Variants in ZNF624 observed in about 807,000 individuals in gnomAD.
ZNF624 encodes the protein zinc finger protein 624.
In ZNF624, 43 loss-of-function variants were observed where a neutral mutation model predicts 74.7. That is an observed-to-expected ratio of 0.58 (90% confidence interval 0.45 to 0.74). ZNF624 has a LOEUF of 0.74. Among genes scored for constraint, ZNF624 ranks in the 30% least tolerant of loss-of-function variants. The pLI is 0.00. For missense variants in ZNF624, 820 were observed against 1,030.0 expected, an observed-to-expected ratio of 0.80 and a Z score of 2.79; for synonymous variants, 331 against 341.3, an observed-to-expected ratio of 0.97 and a Z score of 0.33.
chr17:16,637,555 TA>T (rs1909363891), intron 3 of ZNF624, among the ~76,000 whole-genome samples: 1 of 152,050 alleles, frequency 6.6e-6, no homozygotes, highest in Admixed American at 6.6e-5. Flanking sequence ...CCCTCAGAAA[TA>T]ATGCCACATA....
intron 1 of ZNF624, 102 bp from the exon 2 acceptor site, chr17:16,649,848 A>T: frequency 1.2e-6 from 1 of 864,126 alleles, no homozygotes; most frequent in Middle Eastern, 2.2e-4. Flanking sequence ...CTCCCTAAGG[A>T]AGCACAAGAG....
chr17:16,639,596 G>A (rs537812476), intron 3 of ZNF624, among the ~76,000 whole-genome samples: 2 of 152,190 alleles, frequency 1.3e-5, no homozygotes, highest in South Asian at 2.1e-4. Context: ...TGCCTAAGAG[G>A]GAAATGTATG....
At position 16,621,561 on chromosome 17, in the gene ZNF624, A is replaced by T. The variant is rs977902367; in HGVS notation, c.*727T>A. 1.2e-4 allele frequency: 18 copies of T among 152,200 alleles called. No individual in the cohort carries two copies. The highest frequency in any genetic ancestry group is 1.2e-3 in the Admixed American group (18 of 15,278). 9.4% of individuals were successfully genotyped at this position (152,200 alleles called of 1,614,324 possible). ...CCAATAGCTAGCAAAAGATCTCTTA[A>T]TTTTTGCCAGATCCATGAAGGGGAA... On this transcript the variant is annotated 3_prime_UTR_variant, in exon 6 of 6. Coordinates refer to ENST00000311331, the MANE Select transcript of ZNF624 (RefSeq NM_020787.4).
chr17:16,650,019 T>C (rs1274030230), intron 1 of ZNF624, among the ~76,000 whole-genome samples: 1 of 152,128 alleles, frequency 6.6e-6, no homozygotes, highest in Non-Finnish European at 1.5e-5. Flanking sequence ...GGAATAATAT[T>C]CCCATTCCAT....
At chr17:16,625,315 G>A (rs1044356142) in intron 5 of ZNF624, among the ~76,000 whole-genome samples, 1 of 152,064 alleles carries the variant, frequency 6.6e-6, no homozygotes, top group African/African-American at 2.4e-5. Flanking sequence ...CCGAGTAGCC[G>A]GGACTACAGT....
the ZNF624 span, among the ~76,000 whole-genome samples, chr17:16,615,724 G>C: frequency 9.2e-5 from 14 of 151,734 alleles, no homozygotes; most frequent in African/African-American, 2.4e-5. Flanking sequence ...TTTTCCTTTA[G>C]ATTCTGGGAA....
chr17:16,619,486 A>G (rs1908858368), downstream of ZNF624, among the ~76,000 whole-genome samples: 1 of 152,234 alleles, frequency 6.6e-6, no homozygotes, highest in Non-Finnish European at 1.5e-5. Context: ...AATCCTACAA[A>G]TGAGCAAAAA....
Position 16,634,750 on chromosome 17 carries a change from C to A in ZNF624, c.160G>T (p.Val54Leu). The A allele has an allele frequency of 6.2e-7, 1 of 1,611,538 alleles. No individual in the cohort carries two copies. The highest frequency in any genetic ancestry group is 8.5e-7 in the Non-Finnish European group (1 of 1,178,818). Residue 54 changes from valine (V) to leucine (L), a missense_variant, in exon 4 of 6, where the codon GTG (valine) becomes TTG (leucine). By Grantham distance (32) the Val-to-Leu change is conservative (BLOSUM62 1). Coordinates refer to ENST00000311331, the MANE Select transcript of ZNF624 (RefSeq NM_020787.4). ...AEETQLVKESVTFKDVAIDFT... is the reference protein window; with the variant it reads ...AEETQLVKESLTFKDVAIDFT... ...TCTATAGCCACATCCTTAAATGTCA[C>A]CGATTCCTAAAACAATTACATTGTG...
At position 16,624,049 on chromosome 17, in the gene ZNF624, A is replaced by G; in HGVS notation, c.837T>C (p.Ser279=). ...SNNKEKPYKC[S]TCEKAFHYRS... ...TATAATGAAAGGCCTTTTCGCATGT[A>G]CTACATTTGTAGGGTTTTTCCTTAT... The change falls in exon 6 of 6, where the codon AGT becomes AGC. Residue 279 remains serine, a synonymous_variant. Coordinates refer to ENST00000311331, the MANE Select transcript of ZNF624 (RefSeq NM_020787.4). 6.2e-7 allele frequency: 1 copy of G among 1,614,018 alleles called. No homozygotes were observed. The highest frequency in any genetic ancestry group is 1.1e-5 in the South Asian group (1 of 91,058).
At chr17:16,615,257 C>T in the ZNF624 span, among the ~76,000 whole-genome samples, 1 of 152,162 alleles carries the variant, frequency 6.6e-6, no homozygotes, top group Non-Finnish European at 1.5e-5. Flanking sequence ...ACCACCACGC[C>T]CGGCTAATTT....
At chr17:16,617,579 A>G, downstream of ZNF624, 2 of 1,579,356 alleles carry the variant, frequency 1.3e-6, no homozygotes, top group Non-Finnish European at 8.7e-7. Context: ...GGTGGTCCGT[A>G]TTTGTCTCTG....
At chr17:16,629,755 C>T (rs1055017209) in intron 5 of ZNF624, among the ~76,000 whole-genome samples, 3 of 152,082 alleles carry the variant, frequency 2.0e-5, no homozygotes, top group East Asian at 1.9e-4. Context: ...TTAGTAGAGA[C>T]GGGGTTTCAC....
In ZNF624 at chr17:16,649,823, A is replaced by G. The variant is rs1406533460; in HGVS notation, c.-2-77T>C. ...ACTCACCAAGTTGGAATCCTGACATACAAGTGAGCATGACCTCCCTAAGGA... is the reference window on the plus strand; with the variant it reads ...ACTCACCAAGTTGGAATCCTGACATGCAAGTGAGCATGACCTCCCTAAGGA... On this transcript the variant is annotated intron_variant, in intron 1 of 5. Transcript: ENST00000311331. 6.1e-6 allele frequency: 7 copies of G among 1,150,804 alleles called. No individual in the cohort carries two copies. In the East Asian group the frequency reaches 1.7e-4, roughly 27 times the overall value. 71.3% of individuals were successfully genotyped at this position (1,150,804 alleles called of 1,614,324 possible).
At chr17:16,615,081 A>G in the ZNF624 span, among the ~76,000 whole-genome samples, 1 of 152,030 alleles carries the variant, frequency 6.6e-6, no homozygotes, top group East Asian at 1.9e-4. Flanking sequence ...TCATTGTTTA[A>G]TGGGTATTCA....
At chr17:16,619,496 AT>A (rs1270447208), downstream of ZNF624, among the ~76,000 whole-genome samples, 3 of 152,226 alleles carry the variant, frequency 2.0e-5, no homozygotes, top group Admixed American at 6.5e-5. Context: ...ATGAGCAAAA[AT>A]CAGTTCCCAG....
chr17:16,647,330 T>C lies in ZNF624; in HGVS notation c.152A>G (p.Lys51Arg), dbSNP rs781222819. Reference protein sequence around the residue: ...HLQAEETQLVKESVTFKDVAI... With the variant: ...HLQAEETQLVRESVTFKDVAI... ...TATATGTACAACAGTAGGTATTACC[T>C]TTACCAATTGTGTTTCTTCTGCCTG... Residue 51 changes from lysine to arginine, a missense_variant and splice_region_variant, in exon 3 of 6, where the codon AAG (lysine) becomes AGG (arginine). Coordinates refer to ENST00000311331, the MANE Select transcript of ZNF624 (RefSeq NM_020787.4). The C allele has an allele frequency of 3.7e-6, 6 of 1,613,590 alleles. No homozygotes were observed. The East Asian group carries it at 1.1e-4, about 30-fold the overall frequency.
downstream of ZNF624, chr17:16,617,258 G>A: frequency 6.2e-7 from 1 of 1,613,206 alleles, no homozygotes; most frequent in Non-Finnish European, 8.5e-7. Context: ...CTGCTCCTGC[G>A]ACTCCTACTT....
chr17:16,649,634 C>T, intron 2 of ZNF624, 24 bp downstream of exon 2: 1 of 1,608,890 alleles, frequency 6.2e-7, no homozygotes, highest in South Asian at 1.1e-5. Context: ...GATAGTAGGT[C>T]AAAAACAGGG....
At chr17:16,640,637 G>A (rs188909073) in intron 3 of ZNF624, among the ~76,000 whole-genome samples, 27 of 152,210 alleles carry the variant, frequency 1.8e-4, no homozygotes, top group Admixed American at 1.4e-3. Flanking sequence ...CATGGTATGC[G>A]AACTTAGATG....
Sources: gnomAD v4.1 joint callset for allele counts (sites outside exome capture counted in the v4.1 genomes callset) on GRCh38, gnomAD v4.1.1 for gene constraint, MANE v1.5 for transcripts, NCBI Gene and HGNC (gene_info 2026-07-23, HGNC 2026-07-21) for gene names.